The following VPS45 variants were observed in gnomAD, a reference collection of about 807,000 sequenced individuals.
VPS45 encodes the protein vacuolar protein sorting 45 homolog.
VPS45 carries 35 observed loss-of-function variants against 75.9 expected under a neutral mutation model. The observed-to-expected ratio is 0.46, with a 90% CI of 0.35 to 0.61. VPS45 has a LOEUF of 0.61. Ranked by LOEUF, VPS45 falls within the 20% of genes least tolerant of loss-of-function variation. The probability of loss-of-function intolerance (pLI) is 0.00; values close to 1 mark genes in which losing one functional copy is unlikely to be tolerated. For missense variants in VPS45, 559 were observed against 685.9 expected, an observed-to-expected ratio of 0.81 and a Z score of 2.07; for synonymous variants, 220 against 238.2, an observed-to-expected ratio of 0.92 and a Z score of 0.70.
At chr1:150,119,336 A>G (rs1658107493) in intron 14 of VPS45, among the ~76,000 whole-genome samples, 1 of 152,224 alleles carries the variant, frequency 6.6e-6, no homozygotes, top group Non-Finnish European at 1.5e-5. Flanking sequence ...AACTAGCAAT[A>G]ATATGATATG....
intron 14 of VPS45, among the ~76,000 whole-genome samples, chr1:150,129,408 T>C (rs1658694594): frequency 6.6e-6 from 1 of 151,990 alleles, no homozygotes; most frequent in Non-Finnish European, 1.5e-5. Flanking sequence ...AAAAGAAAAA[T>C]ATCTTTTCAT....
rs782018422 is a variant in VPS45 at position 150,068,771 on chromosome 1, C to T, written c.228+7C>T. ...TTTTCTTCGACCTACAAAGGTACTGCATAAACTGAGCTTCCATCTGCCCAG... is the reference window on the plus strand; with the variant it reads ...TTTTCTTCGACCTACAAAGGTACTGTATAAACTGAGCTTCCATCTGCCCAG... On this transcript the variant is annotated splice_region_variant and intron_variant, in intron 2 of 14. Coordinates refer to ENST00000644510, the MANE Select transcript of VPS45 (RefSeq NM_007259.5). 4 of 1,597,448 alleles carry T rather than the reference C, an allele frequency of 2.5e-6. No individual in the cohort carries two copies. The South Asian group carries it at 4.5e-5, about 18-fold the overall frequency.
intron 14 of VPS45, among the ~76,000 whole-genome samples, chr1:150,143,525 T>C (rs782789136): frequency 2.6e-5 from 4 of 151,838 alleles, no homozygotes; most frequent in African/African-American, 9.7e-5. Flanking sequence ...GAGGCAGAAG[T>C]TGCAGTGAGC....
At chr1:150,111,077 A>G (rs1418597125) in intron 14 of VPS45, among the ~76,000 whole-genome samples, 1 of 152,240 alleles carries the variant, frequency 6.6e-6, no homozygotes, top group African/African-American at 2.4e-5. Flanking sequence ...TCACTTAGCA[A>G]GTATTCAGTA....
At chr1:150,129,854 A>AT (rs781860953) in intron 14 of VPS45, among the ~76,000 whole-genome samples, 118,400 of 138,102 alleles carry the variant, frequency 0.86, 50,749 homozygotes, top group East Asian at 0.98. Context: ...CGCCTGGCCA[A>AT]TTTTTTTTTT....
chr1:150,128,302 T>TAAAAA (rs56026495), intron 14 of VPS45, among the ~76,000 whole-genome samples: 9 of 145,376 alleles, frequency 6.2e-5, no homozygotes, highest in African/African-American at 7.8e-5. Context: ...ACCCTTGTCT[T>TAAAAA]AAAAAAAAAA....
intron 4 of VPS45, 127 bp from the exon 5 acceptor site, chr1:150,076,789 A>G (rs782280828): frequency 4.2e-6 from 4 of 950,620 alleles, no homozygotes; most frequent in African/African-American, 1.7e-5. Context: ...TAATTGAACA[A>G]TTTAGTATCT....
chr1:150,074,129 C>T (rs587709387), intron 3 of VPS45, among the ~76,000 whole-genome samples: 1 of 152,014 alleles, frequency 6.6e-6, no homozygotes, highest in African/African-American at 2.4e-5. Context: ...ATTCTCCCAC[C>T]TCAGCCTCCC....
intron 14 of VPS45, among the ~76,000 whole-genome samples, chr1:150,128,103 C>G (rs1658608919): frequency 6.6e-6 from 1 of 152,078 alleles, no homozygotes; most frequent in South Asian, 2.1e-4. Context: ...GAGTTCAAGA[C>G]CAGCCTGGGC....
chr1:150,129,411 C>A (rs1204022780), intron 14 of VPS45, among the ~76,000 whole-genome samples: 1 of 151,876 alleles, frequency 6.6e-6, no homozygotes, highest in African/African-American at 2.4e-5. Flanking sequence ...AGAAAAATAT[C>A]TTTTCATTAC....
intron 10 of VPS45, 47 bp downstream of exon 10, chr1:150,082,930 A>T: frequency 6.5e-7 from 1 of 1,533,646 alleles, no homozygotes; most frequent in South Asian, 1.2e-5. Flanking sequence ...GCACTGTGCC[A>T]GGCAGAGCAA....
chr1:150,136,881 C>T (rs1659131362), intron 14 of VPS45, among the ~76,000 whole-genome samples: 2 of 151,642 alleles, frequency 1.3e-5, no homozygotes, highest in Non-Finnish European at 2.9e-5. Flanking sequence ...TGTGAGATGC[C>T]TGGTATTTCC....
At chr1:150,099,081 G>T in intron 13 of VPS45, 1 of 1,023,902 alleles carries the variant, frequency 9.8e-7, no homozygotes, top group Non-Finnish European at 1.2e-6. Context: ...TGTACCATTT[G>T]TAAGTATGTT....
intron 13 of VPS45, 136 bp downstream of exon 13, chr1:150,093,784 C>T: frequency 9.4e-7 from 1 of 1,068,014 alleles, no homozygotes; most frequent in Middle Eastern, 2.3e-4. Context: ...TTTGGTTTTA[C>T]ATATGTCAGC....
At chr1:150,082,951 G>A in intron 10 of VPS45, 68 bp downstream of exon 10, 1 of 1,436,368 alleles carries the variant, frequency 7.0e-7, no homozygotes, top group African/African-American at 1.4e-5. Context: ...GAGATAAAAA[G>A]GCAAGTAATC....
chr1:150,098,942 A>G (rs1656814538), intron 13 of VPS45: 1 of 1,203,594 alleles, frequency 8.3e-7, no homozygotes, highest in Non-Finnish European at 1.0e-6. Flanking sequence ...CAGTCAATTC[A>G]AAAAGGAAGT....
chr1:150,118,498 C>T lies in VPS45; in HGVS notation c.1625+7871C>T, dbSNP rs1453580632. Among the ~76,000 whole-genome samples the T allele has an allele frequency of 3.8e-4, 57 of 151,686 alleles. 1 individual carries two copies. Among genetic ancestry groups the T allele is most frequent in the Admixed American group, 3.6e-3 (55 of 15,236 alleles). On this transcript the variant is annotated intron_variant, in intron 14 of 14. Coordinates refer to ENST00000644510, the MANE Select transcript of VPS45 (RefSeq NM_007259.5). ...TCAGCTCACTGCAACCTCTGCCTCC[C>T]GGATTCAAGCAATTCTCCTGCCTCA...
At chr1:150,117,729 G>C (rs1463419984) in intron 14 of VPS45, among the ~76,000 whole-genome samples, 1 of 150,872 alleles carries the variant, frequency 6.6e-6, no homozygotes, top group African/African-American at 2.4e-5. Context: ...GTGTGGTGGC[G>C]CCACCTGTGG....
At chr1:150,142,345 A>G (rs1436631520) in intron 14 of VPS45, among the ~76,000 whole-genome samples, 1 of 152,200 alleles carries the variant, frequency 6.6e-6, no homozygotes, top group Non-Finnish European at 1.5e-5. Context: ...AAAAAAAATC[A>G]GTGCTACCTC....
Sources: gnomAD v4.1 joint callset for allele counts (sites outside exome capture counted in the v4.1 genomes callset) on GRCh38, gnomAD v4.1.1 for gene constraint, MANE v1.5 for transcripts, NCBI Gene and HGNC (gene_info 2026-07-23, HGNC 2026-07-21) for gene names.